NRP1: variants seen among roughly 807,000 people sequenced by gnomAD.
The protein encoded by NRP1 is neuropilin 1.
A neutral mutation model predicts 106.7 loss-of-function variants in NRP1; 35 were observed. The observed-to-expected ratio is 0.33, with a 90% confidence interval of 0.25 to 0.43. The LOEUF is 0.43. Among genes scored for constraint, NRP1 ranks in the 20% least tolerant of loss-of-function variants. NRP1 has a pLI of 1.00. For missense variants in NRP1, 1,024 were observed against 1,170.4 expected (o/e 0.87, Z 1.83); for synonymous variants, 437 against 417.9 (o/e 1.05, Z -0.56).
chr10:33,213,744 G>A (rs912684510), intron 8 of NRP1, 27 bp from the exon 9 acceptor site: 1 of 1,507,912 alleles, frequency 6.6e-7, no homozygotes, highest in Middle Eastern at 1.8e-4. Flanking sequence ...AACAGATAAT[G>A]TAAAATGATT....
At chr10:33,281,752 G>A (rs930737557) in intron 2 of NRP1, among the ~76,000 whole-genome samples, 1 of 152,130 alleles carries the variant, frequency 6.6e-6, no homozygotes, top group African/African-American at 2.4e-5. Flanking sequence ...AGAAATAAAC[G>A]AAATCATACA....
intron 2 of NRP1, among the ~76,000 whole-genome samples, chr10:33,316,323 G>C (rs1003128963): frequency 2.0e-4 from 31 of 152,330 alleles, no homozygotes; most frequent in Admixed American, 9.8e-4. Flanking sequence ...AGACATTCCA[G>C]AGTTTCAAAT....
intron 2 of NRP1, among the ~76,000 whole-genome samples, chr10:33,329,686 T>G (rs1227241918): frequency 5.9e-5 from 9 of 152,212 alleles, no homozygotes; most frequent in Admixed American, 5.9e-4. Context: ...ATTATTTTTC[T>G]TTGATAAAAC....
intron 6 of NRP1, among the ~76,000 whole-genome samples, chr10:33,232,832 G>T (rs967038454): frequency 1.3e-5 from 2 of 151,368 alleles, no homozygotes; most frequent in Admixed American, 6.6e-5. Context: ...TTTTTTAGTA[G>T]AGATGGGGTT....
intron 2 of NRP1, among the ~76,000 whole-genome samples, chr10:33,329,271 A>C (rs1848104951): frequency 6.6e-6 from 1 of 152,206 alleles, no homozygotes; most frequent in Non-Finnish European, 1.5e-5. Flanking sequence ...AGCAAAGATA[A>C]ATTGGAATTG....
chr10:33,226,147 C>T lies in NRP1; in HGVS notation c.1124G>A (p.Gly375Glu), dbSNP rs945004288. The T allele has an allele frequency of 1.9e-6, 3 of 1,613,998 alleles. No homozygotes were observed. The African/African-American group carries it at 4.0e-5, about 22-fold the overall frequency. ...NGEDWITIKEGNKPVLFQGNT... is the reference protein window; with the variant it reads ...NGEDWITIKEENKPVLFQGNT... ...AGCCTAACTTACAACAGGTTTGTTT[C>T]CTTCTTTTATGGTGATCCAGTCTTC... Residue 375 changes from glycine (G) to glutamate (E), a missense_variant, in exon 7 of 17, where the codon GGA becomes GAA. Gly to Glu is a moderately conservative substitution (Grantham distance 98, BLOSUM62 -2). This residue lies in a region of NRP1 where 562 missense variants were observed against 620.3 expected (regional missense o/e 0.91). Transcript: ENST00000374867.
chr10:33,291,903 G>A (rs1192094574), intron 2 of NRP1, among the ~76,000 whole-genome samples: 4 of 152,128 alleles, frequency 2.6e-5, no homozygotes, highest in Non-Finnish European at 4.4e-5. Flanking sequence ...GTTTTGTTTT[G>A]TTTTTCATTT....
At chr10:33,202,584 AT>A (rs1564376074) in intron 11 of NRP1, 52 of 876,978 alleles carry the variant, frequency 5.9e-5, no homozygotes, top group East Asian at 2.8e-4. Flanking sequence ...GGGTCTGAAA[AT>A]AATGAAAATA....
chr10:33,270,508 G>A, intron 3 of NRP1, among the ~76,000 whole-genome samples, 167 bp downstream of exon 3: 1 of 152,072 alleles, frequency 6.6e-6, no homozygotes, highest in Non-Finnish European at 1.5e-5. Flanking sequence ...TGTATTTTTA[G>A]TGGAGACTGG....
intron 9 of NRP1, among the ~76,000 whole-genome samples, chr10:33,209,427 C>A (rs1357887234): frequency 6.6e-6 from 1 of 152,192 alleles, no homozygotes; most frequent in Non-Finnish European, 1.5e-5. Flanking sequence ...CTTAACCACA[C>A]CACGATGCTG....
At chr10:33,195,760 C>A (rs11009276) in intron 12 of NRP1, among the ~76,000 whole-genome samples, 15,445 of 152,188 alleles carry the variant, frequency 0.1, 976 homozygotes, top group Admixed American at 0.2. Flanking sequence ...CCATTACCCA[C>A]AAACAGAGCA....
intron 6 of NRP1, among the ~76,000 whole-genome samples, chr10:33,239,227 G>A (rs1005948800): frequency 1.3e-5 from 2 of 151,976 alleles, no homozygotes; most frequent in Non-Finnish European, 2.9e-5. Context: ...GGTCGATGCT[G>A]CAGTGAGCTG....
chr10:33,224,931 G>A (rs1254332636), intron 7 of NRP1, among the ~76,000 whole-genome samples: 1 of 152,166 alleles, frequency 6.6e-6, no homozygotes, highest in African/African-American at 2.4e-5. Context: ...TGCCTCATTA[G>A]AGTTAGTGAT....
At chr10:33,213,870 C>T (rs1375500217) in intron 8 of NRP1, 153 bp from the exon 9 acceptor site, 12 of 656,674 alleles carry the variant, frequency 1.8e-5, no homozygotes, top group Non-Finnish European at 1.3e-5. Flanking sequence ...AATCTTTCCT[C>T]CCTCAAACCT....
chr10:33,199,843 G>C (rs1163746898), intron 11 of NRP1, among the ~76,000 whole-genome samples: 4 of 152,106 alleles, frequency 2.6e-5, no homozygotes. Context: ...ATCTTTATTT[G>C]GGACAGGCCT....
intron 13 of NRP1, among the ~76,000 whole-genome samples, chr10:33,191,673 A>T (rs1836422296): frequency 6.6e-6 from 1 of 152,086 alleles, no homozygotes; most frequent in African/African-American, 2.4e-5. Flanking sequence ...CCAAAATAAG[A>T]AGTTCAGAAA....
At chr10:33,260,955 T>C (rs552545076) in intron 4 of NRP1, among the ~76,000 whole-genome samples, 1 of 121,756 alleles carries the variant, frequency 8.2e-6, no homozygotes, top group South Asian at 2.5e-4. Flanking sequence ...GTTGAACTAC[T>C]ATGACACAAA....
intron 6 of NRP1, among the ~76,000 whole-genome samples, chr10:33,238,654 A>G (rs1311754494): frequency 6.6e-6 from 1 of 152,204 alleles, no homozygotes; most frequent in Non-Finnish European, 1.5e-5. Context: ...GGTGGAAAAA[A>G]GCACAGACCC....
chr10:33,274,351 T>C (rs535037360), intron 2 of NRP1, among the ~76,000 whole-genome samples: 29 of 152,268 alleles, frequency 1.9e-4, no homozygotes, highest in Non-Finnish European at 3.2e-4. Context: ...TAATCACAGG[T>C]TAGGTTTCCC....
Sources: allele counts gnomAD v4.1 joint callset (sites outside exome capture counted in the v4.1 genomes callset), GRCh38; gene constraint gnomAD v4.1.1; regional missense constraint gnomAD v4.1.1; transcripts MANE v1.5; gene names NCBI Gene and HGNC (gene_info 2026-07-23, HGNC 2026-07-21).